MYO1D: variants seen among roughly 807,000 people sequenced by gnomAD.
MYO1D encodes unconventional myosin-Id.
Under a neutral mutation model 122.0 loss-of-function variants are expected in MYO1D, and 83 were observed. That is an observed-to-expected ratio of 0.68 (90% CI 0.57 to 0.82). MYO1D has a LOEUF of 0.82. Ranked by LOEUF, MYO1D falls within the 40% of genes least tolerant of loss-of-function variation. The pLI is 0.00. For missense variants in MYO1D, 1,157 were observed against 1,269.5 expected, an observed-to-expected ratio of 0.91 and a Z score of 1.35; for synonymous variants, 464 against 446.9, an observed-to-expected ratio of 1.04 and a Z score of -0.48.
At chr17:32,715,137 G>A (rs2089426572) in intron 15 of MYO1D, among the ~76,000 whole-genome samples, 1 of 152,140 alleles carries the variant, frequency 6.6e-6, no homozygotes, top group Non-Finnish European at 1.5e-5. Context: ...AGTCAGAATG[G>A]CAATTAGTAA....
intron 21 of MYO1D, among the ~76,000 whole-genome samples, chr17:32,503,256 C>G (rs1909380832): frequency 6.6e-6 from 1 of 152,238 alleles, no homozygotes; most frequent in Admixed American, 6.5e-5. Context: ...GGCCCCTGGT[C>G]AGCTGGGCAG....
intron 16 of MYO1D, among the ~76,000 whole-genome samples, chr17:32,702,192 C>G (rs2089256210): frequency 6.6e-6 from 1 of 152,144 alleles, no homozygotes; most frequent in Admixed American, 6.6e-5. Flanking sequence ...TTACATGCTT[C>G]TGTTATTTCC....
At chr17:32,869,480 C>T (rs1329539526) in intron 1 of MYO1D, among the ~76,000 whole-genome samples, 2 of 152,214 alleles carry the variant, frequency 1.3e-5, no homozygotes, top group African/African-American at 2.4e-5. Context: ...TAAAGTTCCC[C>T]GACTTAGCAG....
intron 14 of MYO1D, among the ~76,000 whole-genome samples, chr17:32,732,678 T>C (rs1488063023): frequency 6.6e-6 from 1 of 152,202 alleles, no homozygotes; most frequent in African/African-American, 2.4e-5. Flanking sequence ...TTTGTATGCA[T>C]ACCTCATTCT....
At chr17:32,685,182 T>C (rs1451085189) in intron 16 of MYO1D, among the ~76,000 whole-genome samples, 1 of 152,178 alleles carries the variant, frequency 6.6e-6, no homozygotes, top group East Asian at 1.9e-4. Flanking sequence ...ATGATATAAT[T>C]CCTCTATTAT....
chr17:32,521,085 C>G (rs1469414313), intron 21 of MYO1D, among the ~76,000 whole-genome samples: 4 of 152,230 alleles, frequency 2.6e-5, no homozygotes, highest in Non-Finnish European at 4.4e-5. Flanking sequence ...GGTTAGAAGT[C>G]TAGAACTGGG....
At chr17:32,601,234 C>A (rs1310831802) in intron 21 of MYO1D, among the ~76,000 whole-genome samples, 1 of 152,112 alleles carries the variant, frequency 6.6e-6, no homozygotes, top group African/African-American at 2.4e-5. Context: ...TGATACCTGG[C>A]TCATTTCTAG....
At chr17:32,653,120 C>T (rs796967765) in intron 19 of MYO1D, among the ~76,000 whole-genome samples, 4 of 147,444 alleles carry the variant, frequency 2.7e-5, no homozygotes, top group African/African-American at 7.5e-5. Context: ...CCAGCCTGGG[C>T]GACAGAATGA....
chr17:32,861,847 G>A (rs539486267), intron 1 of MYO1D, among the ~76,000 whole-genome samples: 2 of 152,088 alleles, frequency 1.3e-5, no homozygotes, highest in Admixed American at 6.5e-5. Context: ...GCAAAACCCC[G>A]TCTCTACAAA....
intron 19 of MYO1D, among the ~76,000 whole-genome samples, chr17:32,648,377 T>C (rs2088329966): frequency 6.6e-6 from 1 of 152,252 alleles, no homozygotes; most frequent in African/African-American, 2.4e-5. Context: ...CTTGTGATTT[T>C]ATGAGTGATA....
intron 1 of MYO1D, among the ~76,000 whole-genome samples, chr17:32,837,894 C>A (rs2090842879): frequency 6.6e-6 from 1 of 152,130 alleles, no homozygotes; most frequent in African/African-American, 2.4e-5. Flanking sequence ...AAACGGTCTT[C>A]ATTTTGTGTA....
At chr17:32,701,650 A>T (rs2089250363) in intron 16 of MYO1D, among the ~76,000 whole-genome samples, 1 of 151,998 alleles carries the variant, frequency 6.6e-6, no homozygotes, top group Admixed American at 6.6e-5. Context: ...ATAGCCTAGA[A>T]CTCCTGGGCT....
chr17:32,861,603 C>T (rs140439489), intron 1 of MYO1D, among the ~76,000 whole-genome samples: 5 of 152,128 alleles, frequency 3.3e-5, no homozygotes, highest in African/African-American at 9.7e-5. Flanking sequence ...AAGACCCTTC[C>T]GCAAAGTGTG....
At chr17:32,863,616 C>T (rs986251251) in intron 1 of MYO1D, among the ~76,000 whole-genome samples, 2 of 152,188 alleles carry the variant, frequency 1.3e-5, no homozygotes, top group African/African-American at 2.4e-5. Flanking sequence ...ACAAATATGA[C>T]AGTAAATACC....
chr17:32,772,336 T>C (rs1182964396), intron 5 of MYO1D, among the ~76,000 whole-genome samples: 1 of 152,230 alleles, frequency 6.6e-6, no homozygotes, highest in Non-Finnish European at 1.5e-5. Flanking sequence ...TAAATCCAGA[T>C]TGTTTTTTTA....
At chr17:32,861,935 T>C (rs2091080863) in intron 1 of MYO1D, among the ~76,000 whole-genome samples, 1 of 152,160 alleles carries the variant, frequency 6.6e-6, no homozygotes, top group African/African-American at 2.4e-5. Context: ...GGAGAATAGC[T>C]TGAGCCCAGG....
intron 1 of MYO1D, 73 bp from the exon 2 acceptor site, chr17:32,780,857 C>CT (rs1173199580): frequency 1.4e-6 from 2 of 1,436,348 alleles, no homozygotes; most frequent in Non-Finnish European, 1.9e-6. Flanking sequence ...CTGTGAGTCT[C>CT]TTATTTCCAA....
intron 20 of MYO1D, chr17:32,632,572 TATATATATATATATACACAC>T (rs143235498): frequency 0.042 from 4,939 of 118,424 alleles, 269 homozygotes; most frequent in African/African-American, 0.14. Context: ...ACTATATATA[TATATATATATATATACACAC>T]ACACACACAC....
chr17:32,782,300 C>T lies in MYO1D; in HGVS notation c.96-1516G>A, dbSNP rs551140010. On this transcript the variant is annotated intron_variant, in intron 1 of 21. Coordinates refer to ENST00000318217, the MANE Select transcript of MYO1D (RefSeq NM_015194.3). ...TTCTACTATGGGTTTTCTATGTATC[C>T]TCTCAGTTGTTAGGAAGTTTACATG... Among the ~76,000 whole-genome samples the T allele has an allele frequency of 9.2e-5, 14 of 152,184 alleles. No individual in the cohort carries two copies. The South Asian group carries it at 2.9e-3, about 32-fold the overall frequency.
Sources: allele counts gnomAD v4.1 joint callset (sites outside exome capture counted in the v4.1 genomes callset), GRCh38; gene constraint gnomAD v4.1.1; transcripts MANE v1.5; gene names NCBI Gene and HGNC (gene_info 2026-07-23, HGNC 2026-07-21).